The following MRPS21 variants were observed in gnomAD, a reference collection of about 807,000 sequenced individuals.
The protein encoded by MRPS21 is mitochondrial ribosomal protein S21.
A neutral mutation model predicts 9.9 loss-of-function variants in MRPS21; 8 were observed. The ratio of observed to expected loss-of-function variants is 0.81; its 90% CI spans 0.47 to 1.45. MRPS21 has a LOEUF of 1.45. Among genes scored for constraint, MRPS21 ranks in the 40% most tolerant of loss-of-function variants. The pLI, the probability that MRPS21 is intolerant of heterozygous loss-of-function variation, is 0.00. For missense variants in MRPS21, 101 were observed against 118.9 expected (o/e 0.85, Z 0.70); for synonymous variants, 40 against 40.3 (o/e 0.99, Z 0.03).
chr1:150,295,751 A>C (rs1280646933), intron 2 of MRPS21, among the ~76,000 whole-genome samples: 1 of 150,296 alleles, frequency 6.7e-6, no homozygotes, highest in Non-Finnish European at 1.5e-5. Context: ...AATCTGGTAA[A>C]CATAGCAAGA....
chr1:150,303,116 A>G (rs1285431117), intron 2 of MRPS21, among the ~76,000 whole-genome samples: 1 of 152,198 alleles, frequency 6.6e-6, no homozygotes, highest in African/African-American at 2.4e-5. Context: ...GAACTCCAGT[A>G]GGGTTCCTTG....
chr1:150,303,793 C>G, intron 2 of MRPS21: 1 of 413,280 alleles, frequency 2.4e-6, no homozygotes. Flanking sequence ...TTGAGGCTTT[C>G]TGAGCTATAT....
chr1:150,294,111 C>G (rs1281829610), intron 1 of MRPS21: 3 of 406,886 alleles, frequency 7.4e-6, no homozygotes, highest in African/African-American at 6.1e-5. Flanking sequence ...TTTGTGGTAA[C>G]GCCCTGCTGC....
intron 2 of MRPS21, among the ~76,000 whole-genome samples, chr1:150,305,347 C>G (rs879951602): frequency 7.2e-5 from 11 of 152,110 alleles, no homozygotes; most frequent in South Asian, 6.2e-4. Flanking sequence ...CCAGCAATCC[C>G]TGTTTTAACA....
rs371854457 is a variant in MRPS21, at chr1:150,308,146, G to A, written c.182G>A (p.Arg61Gln). ...CAGAGGGAAAGCTATGAAAGGTGCC[G>A]GCGGATCTACAACATGGAAATGGCT... Reference protein sequence around the residue: ...RRQRESYERCRRIYNMEMARK... With the variant: ...RRQRESYERCQRIYNMEMARK... Residue 61 changes from arginine to glutamine, a missense_variant, in exon 3 of 3, where the codon CGG (arginine) becomes CAG (glutamine). Transcript: ENST00000614145. 104 of 1,610,038 alleles carry A rather than the reference G, an allele frequency of 6.5e-5. No homozygotes were observed. Among genetic ancestry groups the A allele is most frequent in the East Asian group, 1.8e-4 (8 of 44,738 alleles).
chr1:150,301,551 T>C (rs1191061598), intron 2 of MRPS21, among the ~76,000 whole-genome samples: 2 of 151,990 alleles, frequency 1.3e-5, no homozygotes, highest in Non-Finnish European at 1.5e-5. Flanking sequence ...TCCCATAAAT[T>C]GTATTATAGC....
At chr1:150,302,520 G>A (rs587710589) in intron 2 of MRPS21, among the ~76,000 whole-genome samples, 1 of 152,238 alleles carries the variant, frequency 6.6e-6, no homozygotes, top group Admixed American at 6.5e-5. Context: ...TGGCTACACT[G>A]ACATGTGAGT....
intron 2 of MRPS21, chr1:150,304,057 T>C (rs1553858065): frequency 2.6e-6 from 1 of 386,460 alleles, no homozygotes; most frequent in East Asian, 7.5e-5. Flanking sequence ...ACGCCTGCAA[T>C]CCCAGCACTT....
At chr1:150,297,565 G>A (rs1165002748) in intron 2 of MRPS21, among the ~76,000 whole-genome samples, 1 of 151,994 alleles carries the variant, frequency 6.6e-6, no homozygotes, top group Non-Finnish European at 1.5e-5. Context: ...CAGCTACTTG[G>A]GAGGCTGAGG....
intron 2 of MRPS21, 123 bp from the exon 3 acceptor site, chr1:150,307,925 C>A: frequency 4.1e-6 from 4 of 967,234 alleles, no homozygotes; most frequent in Non-Finnish European, 5.9e-6. Context: ...TGCTCTATTG[C>A]CACCATTTCC....
At chr1:150,295,987 C>G (rs1308310284) in intron 2 of MRPS21, among the ~76,000 whole-genome samples, 14 of 145,324 alleles carry the variant, frequency 9.6e-5, no homozygotes, top group African/African-American at 2.6e-5. Flanking sequence ...GAGTCTTGCT[C>G]TGTTGCCAGG....
intron 1 of MRPS21, 97 bp from the exon 2 acceptor site, chr1:150,294,238 G>T: frequency 1.3e-6 from 1 of 778,618 alleles, no homozygotes; most frequent in Middle Eastern, 3.8e-4. Context: ...CCCTGAGCAT[G>T]TTGAATTTCC....
chr1:150,302,967 A>G (rs1405657452), intron 2 of MRPS21, among the ~76,000 whole-genome samples: 2 of 151,666 alleles, frequency 1.3e-5, no homozygotes, highest in African/African-American at 4.8e-5. Context: ...CCATTTACCA[A>G]CCCCCATCAT....
At chr1:150,299,481 T>C (rs1220975755) in intron 2 of MRPS21, among the ~76,000 whole-genome samples, 1 of 151,994 alleles carries the variant, frequency 6.6e-6, no homozygotes, top group African/African-American at 2.4e-5. Context: ...TGAGACGATG[T>C]CTCGCTCTTG....
chr1:150,301,877 G>C (rs1694370), intron 2 of MRPS21, among the ~76,000 whole-genome samples: 104,806 of 152,034 alleles, frequency 0.69, 37,114 homozygotes, highest in African/African-American at 0.86. Flanking sequence ...GGATTACAGG[G>C]GTGAGCCACC....
intron 2 of MRPS21, among the ~76,000 whole-genome samples, chr1:150,300,924 G>A (rs587632923): frequency 1.3e-5 from 2 of 152,158 alleles, no homozygotes; most frequent in South Asian, 4.1e-4. Context: ...TTGGCCAGGC[G>A]CGGTGGCTCA....
rs587624860 is a variant in MRPS21, at chr1:150,299,701, C to T, written c.83+5252C>T. 6.0e-4 allele frequency among the ~76,000 whole-genome samples: 91 copies of T among 152,252 alleles called. No individual in the cohort carries two copies. In the Middle Eastern group the frequency reaches 0.01, roughly 17 times the overall value. On this transcript the variant is annotated intron_variant, in intron 2 of 2. Coordinates refer to ENST00000614145, the MANE Select transcript of MRPS21 (RefSeq NM_031901.6). ...AACTCCTGACCTCAGGTGATCCACC[C>T]GCCTCTGTCTCCCAAAGTGCTGGGA...
rs1560060474 is a variant in MRPS21, at chr1:150,294,454, CTG to C, written c.83+7_83+8del. The C allele has an allele frequency of 1.2e-6, 2 of 1,607,266 alleles. No individual in the cohort carries two copies. On this transcript the variant is annotated splice_donor_region_variant and intron_variant, in intron 2 of 2. Coordinates refer to ENST00000614145, the MANE Select transcript of MRPS21 (RefSeq NM_031901.6). ...CGCATACAGGACCCTAAACAGGTAA[CTG>C]TTAAGGGACCAGAATCATGCCTAGA...
intron 2 of MRPS21, chr1:150,304,259 C>A: frequency 4.1e-6 from 1 of 246,892 alleles, no homozygotes; most frequent in Non-Finnish European, 8.2e-6. Context: ...TGCAGTGAGC[C>A]AAGATGGTGA....
Sources: allele counts gnomAD v4.1 joint callset (sites outside exome capture counted in the v4.1 genomes callset), GRCh38; gene constraint gnomAD v4.1.1; transcripts MANE v1.5; gene names NCBI Gene and HGNC (gene_info 2026-07-23, HGNC 2026-07-21).